Variants in SIPA1L3 observed in about 807,000 individuals in gnomAD.
The protein encoded by SIPA1L3 is signal induced proliferation associated 1 like 3.
In SIPA1L3, 59 loss-of-function variants were observed where a neutral mutation model predicts 150.1. The ratio of observed to expected loss-of-function variants is 0.39; its 90% CI spans 0.32 to 0.49. The LOEUF (loss-of-function observed/expected upper bound fraction) is 0.49, where lower values mean the gene tolerates loss of function less well. Among genes scored for constraint, SIPA1L3 ranks in the 20% least tolerant of loss-of-function variants. SIPA1L3 has a pLI of 0.86. For synonymous variants in SIPA1L3, 1,070 were observed against 1,077.6 expected (o/e 0.99, Z 0.14); for missense variants, 2,211 against 2,489.5 (o/e 0.89, Z 2.38).
chr19:38,086,120 A>T (rs544147529), intron 3 of SIPA1L3, among the ~76,000 whole-genome samples: 1 of 152,270 alleles, frequency 6.6e-6, no homozygotes, highest in South Asian at 2.1e-4. Context: ...AAAAATAAGG[A>T]TTTAGAGGAT....
intron 4 of SIPA1L3, among the ~76,000 whole-genome samples, chr19:38,089,572 G>T (rs995809922): frequency 1.3e-5 from 2 of 152,304 alleles, no homozygotes; most frequent in East Asian, 3.9e-4. Context: ...GGCAGGACAG[G>T]AACTGGGGAC....
chr19:37,937,759 A>AAAAAAAAAAAAAAAAAAAAAAAAAAAAC (rs2046614128), intron 1 of SIPA1L3, among the ~76,000 whole-genome samples: 1 of 141,058 alleles, frequency 7.1e-6, no homozygotes, highest in Non-Finnish European at 1.5e-5. Flanking sequence ...AAAAAAAAAA[A>AAAAAAAAAAAAAAAAAAAAAAAAAAAAC]AAAAAGACCA....
intron 1 of SIPA1L3, among the ~76,000 whole-genome samples, chr19:38,013,370 A>G (rs1034983165): frequency 3.3e-5 from 5 of 152,184 alleles, no homozygotes; most frequent in African/African-American, 1.2e-4. Flanking sequence ...GCTGGAGGAC[A>G]TGTGAATCAC....
intron 1 of SIPA1L3, among the ~76,000 whole-genome samples, chr19:38,022,361 G>A (rs1968391671): frequency 6.6e-6 from 1 of 152,148 alleles, no homozygotes; most frequent in South Asian, 2.1e-4. Flanking sequence ...TCAGGAGGTC[G>A]AGGCTGCAGT....
At chr19:38,112,004 G>GTAT (rs1970768078) in intron 8 of SIPA1L3, among the ~76,000 whole-genome samples, 6 of 130,294 alleles carry the variant, frequency 4.6e-5, no homozygotes, top group African/African-American at 1.8e-4. Flanking sequence ...CCTGCACACA[G>GTAT]GCACACACAT....
intron 1 of SIPA1L3, among the ~76,000 whole-genome samples, chr19:38,000,238 G>T (rs890197791): frequency 6.6e-6 from 1 of 151,952 alleles, no homozygotes; most frequent in African/African-American, 2.4e-5. Flanking sequence ...AGGCCGAGAC[G>T]GGTGGATCAC....
intron 2 of SIPA1L3, among the ~76,000 whole-genome samples, chr19:38,054,839 G>A (rs575276188): frequency 3.3e-5 from 5 of 152,320 alleles, no homozygotes; most frequent in South Asian, 4.1e-4. Flanking sequence ...GCCTGTGGTC[G>A]CTGCTCAGGC....
At chr19:38,066,005 T>C (rs1286748136) in intron 2 of SIPA1L3, among the ~76,000 whole-genome samples, 3 of 148,448 alleles carry the variant, frequency 2.0e-5, no homozygotes, top group South Asian at 4.2e-4. Context: ...TTTATTTATT[T>C]ATTTATTTAT....
chr19:37,940,149 C>T (rs1373557089), intron 1 of SIPA1L3, among the ~76,000 whole-genome samples: 2 of 152,054 alleles, frequency 1.3e-5, no homozygotes, highest in East Asian at 3.9e-4. Flanking sequence ...GGCATAGAGG[C>T]TCTCAACTGT....
intron 13 of SIPA1L3, among the ~76,000 whole-genome samples, chr19:38,160,576 A>T (rs1972060204): frequency 1.3e-5 from 2 of 150,692 alleles, no homozygotes; most frequent in African/African-American, 4.9e-5. Context: ...TATTTTTTGT[A>T]TTTTTTTTAG....
intron 8 of SIPA1L3, among the ~76,000 whole-genome samples, chr19:38,114,912 C>G (rs1970849034): frequency 6.6e-6 from 1 of 152,230 alleles, no homozygotes; most frequent in South Asian, 2.1e-4. Flanking sequence ...CCCGTCCATT[C>G]TTCATGAGGC....
At chr19:38,086,615 A>G (rs928031258) in intron 3 of SIPA1L3, among the ~76,000 whole-genome samples, 1 of 152,198 alleles carries the variant, frequency 6.6e-6, no homozygotes, top group African/African-American at 2.4e-5. Context: ...CCCTAGAGGC[A>G]GAGGTTGCAG....
intron 1 of SIPA1L3, among the ~76,000 whole-genome samples, chr19:38,015,722 A>G (rs909505874): frequency 0.013 from 109 of 8,314 alleles, no homozygotes; most frequent in African/African-American, 0.092. Flanking sequence ...AGATCCTGTT[A>G]AAAAAAAAAA....
intron 2 of SIPA1L3, among the ~76,000 whole-genome samples, chr19:38,045,809 G>A (rs953585161): frequency 6.6e-6 from 1 of 152,050 alleles, no homozygotes; most frequent in African/African-American, 2.4e-5. Context: ...GTCGCAGGTG[G>A]GGAGGAACTG....
chr19:37,951,113 G>C (rs2046759995), intron 1 of SIPA1L3, among the ~76,000 whole-genome samples: 1 of 152,240 alleles, frequency 6.6e-6, no homozygotes, highest in Non-Finnish European at 1.5e-5. Flanking sequence ...CAGGCACTGG[G>C]GATATGGCAG....
At chr19:38,062,509 G>C (rs997041372) in intron 2 of SIPA1L3, among the ~76,000 whole-genome samples, 4 of 152,230 alleles carry the variant, frequency 2.6e-5, no homozygotes, top group Non-Finnish European at 5.9e-5. Context: ...GTCCTGAGTG[G>C]GGGCTGCCAT....
chr19:38,014,733 A>G (rs1052402516), intron 1 of SIPA1L3, among the ~76,000 whole-genome samples: 12 of 150,366 alleles, frequency 8.0e-5, no homozygotes, highest in Non-Finnish European at 1.6e-4. Flanking sequence ...GCAGTGGCGC[A>G]ATCTCGGCTC....
At chr19:37,952,891 GA>G (rs2046777149) in intron 1 of SIPA1L3, among the ~76,000 whole-genome samples, 1 of 152,038 alleles carries the variant, frequency 6.6e-6, no homozygotes, top group Non-Finnish European at 1.5e-5. Context: ...TCTGCATTTT[GA>G]ACACCATCCT....
Position 38,008,928 on chromosome 19 carries a change from T to A in SIPA1L3, c.-378-20161T>A, listed in dbSNP as rs140830322. On this transcript the variant is annotated intron_variant, in intron 1 of 21. Coordinates refer to ENST00000222345, the MANE Select transcript of SIPA1L3 (RefSeq NM_015073.3). ...TGGGTCTCTTCTGCTGGGTCCTGCC[T>A]GTGAAGCACTGAGGAGCATGCCTGC... Among the ~76,000 whole-genome samples the A allele has an allele frequency of 3.2e-3, 487 of 152,264 alleles. 2 individuals carry two copies. The highest frequency in any genetic ancestry group is 0.011 in the African/African-American group (451 of 41,550).
Sources: allele counts gnomAD v4.1 joint callset (sites outside exome capture counted in the v4.1 genomes callset), GRCh38; gene constraint gnomAD v4.1.1; transcripts MANE v1.5; gene names NCBI Gene and HGNC (gene_info 2026-07-23, HGNC 2026-07-21).